LYPD6B: variants seen among roughly 807,000 people sequenced by gnomAD.
The protein encoded by LYPD6B is LY6/PLAUR domain containing 6B, also known as ly6/PLAUR domain-containing protein 6B.
In LYPD6B, 17 loss-of-function variants were observed where a neutral mutation model predicts 22.8. That is an observed-to-expected ratio of 0.75 (90% CI 0.51 to 1.12). The LOEUF (loss-of-function observed/expected upper bound fraction) is 1.12. Among genes scored for constraint, LYPD6B ranks in the 50% most tolerant of loss-of-function variants. The pLI is 0.00. For missense variants in LYPD6B, 221 were observed against 258.3 expected (o/e 0.86, Z 0.99); for synonymous variants, 106 against 91.6 (o/e 1.16, Z -0.90).
intron 2 of LYPD6B, among the ~76,000 whole-genome samples, chr2:149,153,587 C>T (rs1050182785): frequency 2.0e-5 from 3 of 151,860 alleles, no homozygotes; most frequent in Non-Finnish European, 4.4e-5. Flanking sequence ...CCATCCTGGC[C>T]AACATCATGA....
At chr2:149,057,755 G>A (rs1025212197) in intron 1 of LYPD6B, among the ~76,000 whole-genome samples, 1 of 152,188 alleles carries the variant, frequency 6.6e-6, no homozygotes, top group South Asian at 2.1e-4. Flanking sequence ...CAACAGAAGA[G>A]GAAAGGGGGT....
In LYPD6B at chr2:149,208,034, T is replaced by G. The variant is rs114851213; in HGVS notation, c.230-280T>G. Among the ~76,000 whole-genome samples, 208 of 152,188 alleles carry G rather than the reference T, an allele frequency of 1.4e-3. 1 individual carries two copies. Among genetic ancestry groups the G allele is most frequent in the African/African-American group, 4.7e-3 (196 of 41,540 alleles). On this transcript the variant is annotated intron_variant, in intron 4 of 6. Transcript: ENST00000409642. ...CCCCTACTTATTCCCAAATTATAAA[T>G]GATAATAGAACAATACTATGCATCT...
intron 1 of LYPD6B, among the ~76,000 whole-genome samples, chr2:149,114,330 C>T (rs1686896546): frequency 6.6e-6 from 1 of 152,164 alleles, no homozygotes; most frequent in Admixed American, 6.6e-5. Context: ...ATATACATTT[C>T]TTTTGGAAAA....
rs1274190660 is a variant in LYPD6B at position 149,212,995 on chromosome 2, C to T, written c.332C>T (p.Thr111Ile). The stretch of plus-strand genomic sequence containing the variant: ...TTTTTTGTTTCCTCTTGCCTAGATA[C>T]ACAGTACTGTTTGACAGTTCATCAC... ...WAEDKWCPQNTQYCLTVHHFT... is the reference protein window; with the variant it reads ...WAEDKWCPQNIQYCLTVHHFT... Residue 111 changes from threonine to isoleucine, a missense_variant, in exon 6 of 7, where the codon ACA becomes ATA. Thr to Ile is a moderately conservative substitution (Grantham distance 89). Transcript: ENST00000409642. 3 of 1,613,778 alleles carry T rather than the reference C, an allele frequency of 1.9e-6. No individual in the cohort carries two copies. Among genetic ancestry groups the T allele is most frequent in the Middle Eastern group, 1.6e-4 (1 of 6,062 alleles).
chr2:149,062,223 G>A (rs1684119913), intron 1 of LYPD6B, among the ~76,000 whole-genome samples: 1 of 152,204 alleles, frequency 6.6e-6, no homozygotes, highest in South Asian at 2.1e-4. Context: ...CCAACCTCAG[G>A]TGATCCACCT....
intron 1 of LYPD6B, among the ~76,000 whole-genome samples, chr2:149,103,964 G>C (rs1001443580): frequency 6.6e-6 from 1 of 151,652 alleles, no homozygotes; most frequent in Admixed American, 6.6e-5. Flanking sequence ...TTTTGTTAGA[G>C]ATGGGGTTTC....
At chr2:149,160,166 G>A (rs954125206) in intron 2 of LYPD6B, among the ~76,000 whole-genome samples, 1 of 151,808 alleles carries the variant, frequency 6.6e-6, no homozygotes, top group Non-Finnish European at 1.5e-5. Context: ...CAAAAAAAAA[G>A]GTATAAATAT....
At chr2:149,148,533 C>T (rs763596612) in intron 2 of LYPD6B, among the ~76,000 whole-genome samples, 1 of 152,204 alleles carries the variant, frequency 6.6e-6, no homozygotes, top group Non-Finnish European at 1.5e-5. Flanking sequence ...TAGCTCTGAA[C>T]CATCTCCTTA....
intron 1 of LYPD6B, among the ~76,000 whole-genome samples, chr2:149,090,873 T>C (rs1192469687): frequency 6.6e-6 from 1 of 152,200 alleles, no homozygotes; most frequent in Non-Finnish European, 1.5e-5. Flanking sequence ...CATTTGGCAA[T>C]GTTGTTCGTT....
intron 1 of LYPD6B, among the ~76,000 whole-genome samples, chr2:149,050,659 G>A (rs1353780319): frequency 6.6e-6 from 1 of 152,176 alleles, no homozygotes; most frequent in Non-Finnish European, 1.5e-5. Context: ...TGGTATTAGT[G>A]TTACTGAGAA....
chr2:149,122,094 C>T (rs1467815113), intron 1 of LYPD6B, among the ~76,000 whole-genome samples: 2 of 152,192 alleles, frequency 1.3e-5, no homozygotes, highest in Non-Finnish European at 2.9e-5. Flanking sequence ...GAATCTCAAG[C>T]ATGGTTCATA....
intron 1 of LYPD6B, among the ~76,000 whole-genome samples, chr2:149,115,723 G>A (rs1686969178): frequency 6.6e-6 from 1 of 152,138 alleles, no homozygotes; most frequent in Admixed American, 6.5e-5. Flanking sequence ...ACCCACCGTA[G>A]GCTTTGAGGA....
chr2:149,151,696 G>A (rs1363488338), intron 2 of LYPD6B, among the ~76,000 whole-genome samples: 1 of 152,172 alleles, frequency 6.6e-6, no homozygotes, highest in African/African-American at 2.4e-5. Context: ...ATGGAGAAGT[G>A]TTGTATTGTT....
intron 5 of LYPD6B, among the ~76,000 whole-genome samples, chr2:149,212,106 G>A (rs925175694): frequency 8.6e-5 from 13 of 151,900 alleles, no homozygotes; most frequent in Admixed American, 2.0e-4. Flanking sequence ...AGCCGGGCGC[G>A]GTGGCTCACG....
At chr2:149,119,389 A>T (rs1687167901) in intron 1 of LYPD6B, among the ~76,000 whole-genome samples, 1 of 152,232 alleles carries the variant, frequency 6.6e-6, no homozygotes, top group Non-Finnish European at 1.5e-5. Flanking sequence ...TGTCAATATG[A>T]TATCATAATT....
intron 1 of LYPD6B, among the ~76,000 whole-genome samples, chr2:149,066,617 A>G (rs1216522741): frequency 6.6e-6 from 1 of 152,066 alleles, no homozygotes; most frequent in African/African-American, 2.4e-5. Context: ...TGCCATATAC[A>G]TAACAGTTGC....
chr2:149,166,106 C>T (rs1690403277), intron 3 of LYPD6B, among the ~76,000 whole-genome samples: 2 of 152,132 alleles, frequency 1.3e-5, no homozygotes, highest in South Asian at 2.1e-4. Context: ...TAATAACGCC[C>T]TCTATAACCT....
At chr2:149,186,720 T>C (rs1692131688) in intron 3 of LYPD6B, among the ~76,000 whole-genome samples, 1 of 152,228 alleles carries the variant, frequency 6.6e-6, no homozygotes, top group South Asian at 2.1e-4. Flanking sequence ...GCCTCTTGCC[T>C]CAGCCTCCTG....
intron 1 of LYPD6B, among the ~76,000 whole-genome samples, chr2:149,064,086 T>G (rs1030663912): frequency 1.3e-5 from 2 of 152,220 alleles, no homozygotes; most frequent in Non-Finnish European, 2.9e-5. Flanking sequence ...CTGATTATAC[T>G]GATTGTTTTT....
Sources: allele counts gnomAD v4.1 joint callset (sites outside exome capture counted in the v4.1 genomes callset), GRCh38; gene constraint gnomAD v4.1.1; transcripts MANE v1.5; gene names NCBI Gene and HGNC (gene_info 2026-07-23, HGNC 2026-07-21).